The following PKD1 variants were observed in gnomAD, a reference collection of about 807,000 sequenced individuals.
PKD1 encodes polycystin-1.
In PKD1, 81 loss-of-function variants were observed where a neutral mutation model predicts 361.7. The ratio of observed to expected loss-of-function variants is 0.22; its 90% confidence interval spans 0.19 to 0.27. PKD1 has a LOEUF of 0.27. Among genes scored for constraint, PKD1 ranks in the 10% least tolerant of loss-of-function variants. PKD1 has a pLI of 1.00. For synonymous variants in PKD1, 3,615 were observed against 2,818.3 expected (o/e 1.28, Z -8.95); for missense variants, 6,399 against 6,118.3 (o/e 1.05, Z -1.53).
Position 2,111,065 on chromosome 16 carries a change from C to A in PKD1, c.4102G>T (p.Ala1368Ser). The stretch of plus-strand genomic sequence containing the variant: ...ACGCAGATGCTGGTGAAGTAATGCG[C>A]CCTGTTCACGCGGCTGGACAGCACC... ...ALVLSSRVNR[A>S]HYFTSICVEP... is the part of the protein sequence containing the mutation. The change falls in exon 15 of 46, where the codon GCG becomes TCG. Residue 1368 changes from alanine (A) to serine (S), a missense_variant. Coordinates refer to ENST00000262304, the MANE Select transcript of PKD1 (RefSeq NM_001009944.3). The A allele has an allele frequency of 6.2e-7, 1 of 1,610,670 alleles. No individual in the cohort carries two copies. Among genetic ancestry groups the A allele is most frequent in the Non-Finnish European group, 8.5e-7 (1 of 1,179,792 alleles).
chr16:2,109,820 C>T lies in PKD1; in HGVS notation c.5347G>A (p.Ala1783Thr), dbSNP rs1163927130. ...TTGGCTGAGCCCAGCGGGTTCCCTG[C>T]CGTCATGGTGACCAAGTGCAGGCCG... ...TPGLHLVTMT[A>T]GNPLGSANAT... The change falls in exon 15 of 46, where the codon GCA becomes ACA. Residue 1783 changes from alanine to threonine, a missense_variant. Physicochemically the swap from Ala to Thr is moderately conservative, Grantham distance 58. Coordinates refer to ENST00000262304, the MANE Select transcript of PKD1 (RefSeq NM_001009944.3). The T allele has an allele frequency of 1.1e-5, 18 of 1,610,524 alleles. No individual in the cohort carries two copies. Among genetic ancestry groups the T allele is most frequent in the Non-Finnish European group, 1.4e-5 (16 of 1,179,814 alleles).
rs748286361 is a variant in PKD1, at chr16:2,102,264, G to A, written c.9202-8C>T. On this transcript the variant is annotated splice_polypyrimidine_tract_variant and splice_region_variant and intron_variant, in intron 25 of 45. Transcript: ENST00000262304. ...TACATCCGCTGTCGGCTCCTGTGAGGACACAGCCGCCGGGCCCAGGAGGTC... is the reference window on the plus strand; with the variant it reads ...TACATCCGCTGTCGGCTCCTGTGAGAACACAGCCGCCGGGCCCAGGAGGTC... 2.7e-5 allele frequency: 41 copies of A among 1,505,236 alleles called. No homozygotes were observed. Among genetic ancestry groups the A allele is most frequent in the South Asian group, 1.8e-4 (16 of 87,220 alleles). 93.2% of individuals were successfully genotyped at this position (1,505,236 alleles called of 1,614,324 possible).
At chr16:2,114,093 G>A (rs1434961935) in intron 11 of PKD1, 77 bp downstream of exon 11, 3 of 1,218,614 alleles carry the variant, frequency 2.5e-6, no homozygotes, top group Non-Finnish European at 3.5e-6. Context: ...TGGGAAGCCA[G>A]GCCTCACGCC....
rs560799680 is a variant in PKD1, at chr16:2,117,680, C to G, written c.1202-8G>C. On this transcript the variant is annotated splice_region_variant and splice_polypyrimidine_tract_variant and intron_variant, in intron 5 of 45. Transcript: ENST00000262304. ...GGCAGAGCGGGTGCACCGCTGGAGA[C>G]CGGTGGGAACGAGGGTGTCAACGGT... 7.5e-6 allele frequency: 12 copies of G among 1,606,910 alleles called. No individual in the cohort carries two copies.
At position 2,109,164 on chromosome 16, in the gene PKD1, C is replaced by A. The variant is rs545231444; in HGVS notation, c.6003G>T (p.Arg2001=). ...NFTARVQRGS[R]VAYAWYFSLQ... ...GCGAGAAGTACCAGGCGTAGGCGAC[C>A]CGAGAGCCGCGCTGCACGCGGGCTG... is the stretch of plus-strand genomic sequence containing the variant. Residue 2001 remains arginine, a synonymous_variant, in exon 15 of 46, where the codon CGG becomes CGT. Coordinates refer to ENST00000262304, the MANE Select transcript of PKD1 (RefSeq NM_001009944.3). 1.2e-5 allele frequency: 20 copies of A among 1,600,676 alleles called. No homozygotes were observed. In the East Asian group the frequency reaches 4.0e-4, roughly 32 times the overall value.
chr16:2,117,745 T>A, intron 5 of PKD1, 46 bp downstream of exon 5: 1 of 1,192,900 alleles, frequency 8.4e-7, no homozygotes, highest in Non-Finnish European at 1.2e-6. Context: ...CTCTGCCCCA[T>A]CTGGATGGCC....
intron 22 of PKD1, among the ~76,000 whole-genome samples, chr16:2,104,277 AATGGAGAAAAGGGGAGAGAG>A (rs1361560456): frequency 2.7e-4 from 15 of 56,112 alleles, no homozygotes; most frequent in Admixed American, 4.5e-4. Flanking sequence ...CGGGGGGGGA[AATGGAGAAAAGGGGAGAGAG>A]ATGGAGAAAA....
At chr16:2,099,822 T>C in intron 29 of PKD1, 39 bp downstream of exon 29, 1 of 1,555,856 alleles carries the variant, frequency 6.4e-7, no homozygotes, top group Non-Finnish European at 8.7e-7. Context: ...CAGGAAGGGC[T>C]GGGCAGGAAG....
chr16:2,127,912 G>C (rs898570625), intron 1 of PKD1, among the ~76,000 whole-genome samples: 1 of 124,354 alleles, frequency 8.0e-6, no homozygotes, highest in Non-Finnish European at 1.7e-5. Flanking sequence ...CAGGGAGGGA[G>C]AGGTGGGAGG....
In PKD1 at chr16:2,109,429, G is replaced by T; in HGVS notation, c.5738C>A (p.Ala1913Asp). The T allele has an allele frequency of 6.2e-7, 1 of 1,603,732 alleles. No individual in the cohort carries two copies. The highest frequency in any genetic ancestry group is 8.5e-7 in the Non-Finnish European group (1 of 1,179,222). The change falls in exon 15 of 46, where the codon GCC becomes GAC. Residue 1913 changes from alanine (A) to aspartate (D), a missense_variant. Ala to Asp is a moderately radical substitution (Grantham distance 126). Coordinates refer to ENST00000262304, the MANE Select transcript of PKD1 (RefSeq NM_001009944.3). Reference sequence around the variant, plus strand: ...CAGGCGGAAGGTGACAGCTGAGCCGGCAGCCAGCAGGATCTGAAAATGGAC... The same window carrying T: ...CAGGCGGAAGGTGACAGCTGAGCCGTCAGCCAGCAGGATCTGAAAATGGAC... Reference protein sequence around the residue: ...QLVHFQILLAAGSAVTFRLQV... With the variant: ...QLVHFQILLADGSAVTFRLQV...
At chr16:2,097,103 C>A (rs780619303) in intron 34 of PKD1, 45 bp downstream of exon 34, 36 of 1,411,644 alleles carry the variant, frequency 2.6e-5, no homozygotes, top group Admixed American at 2.0e-5. Context: ...TGAGTCCCGG[C>A]CCCTCCTCTG....
rs763007424 is a variant in PKD1, at chr16:2,090,527, C to G, written c.12202G>C (p.Gly4068Arg). 6.2e-7 allele frequency: 1 copy of G among 1,610,562 alleles called. No homozygotes were observed. The highest frequency in any genetic ancestry group is 2.2e-5 in the East Asian group (1 of 44,824). The change falls in exon 45 of 46, where the codon GGG becomes CGG. Residue 4068 changes from glycine to arginine, a missense_variant. Transcript: ENST00000262304. ...VAQALLVLCP[G>R]TGLSTLCPAE... ...GGACACAGGGTAGAGAGCCCAGTCC[C>G]AGGGCACAGCACCAACAGGGCCTGG...
intron 1 of PKD1, among the ~76,000 whole-genome samples, chr16:2,120,442 A>C (rs941557163): frequency 5.9e-5 from 9 of 152,238 alleles, no homozygotes; most frequent in African/African-American, 2.2e-4. Context: ...GAAGAAAAGG[A>C]AACTGGGTGT....
chr16:2,111,465 C>T lies in PKD1; in HGVS notation c.3702G>A (p.Ala1234=), dbSNP rs766833696. 44 of 1,611,574 alleles carry T rather than the reference C, an allele frequency of 2.7e-5. No homozygotes were observed. Among genetic ancestry groups the T allele is most frequent in the Admixed American group, 3.3e-5 (2 of 59,938 alleles). The change falls in exon 15 of 46, where the codon GCG becomes GCA. Residue 1234 remains alanine, a synonymous_variant. Coordinates refer to ENST00000262304, the MANE Select transcript of PKD1 (RefSeq NM_001009944.3). ...EQGAPVVVSA[A]VQTGDNITWT... ...ACGTGATGTTGTCGCCCGTCTGCAC[C>T]GCGGCGCTGACCACCACGGGGGCGC... is the stretch of plus-strand genomic sequence containing the variant.
intron 1 of PKD1, chr16:2,133,099 A>C (rs915810729): frequency 6.7e-6 from 1 of 150,132 alleles, no homozygotes; most frequent in Non-Finnish European, 1.5e-5. Flanking sequence ...AAAAAAAAAA[A>C]AAAAAACACA....
intron 32 of PKD1, 72 bp from the exon 33 acceptor site, chr16:2,097,575 C>G (rs984639235): frequency 1.2e-6 from 2 of 1,604,610 alleles, no homozygotes; most frequent in East Asian, 4.5e-5. Flanking sequence ...TCCAGTCACG[C>G]ACGGACACCC....
At position 2,106,041 on chromosome 16, in the gene PKD1, G is replaced by T. The variant is rs774075560; in HGVS notation, c.7704-17C>A. Reference sequence around the variant, plus strand: ...GCCAAAGACCTACGAGCAGAGGGGGGTGGTGAGCAGGTGGCAGTCTCGGGG... The same window carrying T: ...GCCAAAGACCTACGAGCAGAGGGGGTTGGTGAGCAGGTGGCAGTCTCGGGG... On this transcript the variant is annotated splice_polypyrimidine_tract_variant and intron_variant, in intron 19 of 45. Coordinates refer to ENST00000262304, the MANE Select transcript of PKD1 (RefSeq NM_001009944.3). This position sits in a 1 kb window ranked among gnomAD's most constrained non-coding sequence, Gnocchi z 6.5. 5 of 1,606,896 alleles carry T rather than the reference G, an allele frequency of 3.1e-6. No homozygotes were observed. Among genetic ancestry groups the T allele is most frequent in the African/African-American group, 1.3e-5 (1 of 74,232 alleles).
intron 1 of PKD1, among the ~76,000 whole-genome samples, chr16:2,131,356 A>G (rs1291001816): frequency 6.6e-6 from 1 of 151,914 alleles, no homozygotes; most frequent in African/African-American, 2.4e-5. Flanking sequence ...CTAAAAATAC[A>G]AAAAATTAGC....
chr16:2,106,879 A>T lies in PKD1; in HGVS notation c.7135T>A (p.Tyr2379Asn). The T allele has an allele frequency of 6.4e-7, 1 of 1,555,390 alleles. No individual in the cohort carries two copies. The highest frequency in any genetic ancestry group is 1.1e-5 in the South Asian group (1 of 90,394). ...ACGTAGGAGCTGCGGCTCACTTCGT[A>T]CACGGCCTGTGCCTTGCAGGACACA... ...ECVSCKAQAV[Y>N]EVSRSSYVYL... is the part of the protein sequence containing the mutation. The change falls in exon 17 of 46, where the codon TAC becomes AAC. Residue 2379 changes from tyrosine to asparagine, a missense_variant. Transcript: ENST00000262304. The surrounding 1 kb of genome is among the most constrained non-coding windows in gnomAD (Gnocchi z 6.5).
Sources: gnomAD v4.1 joint callset for allele counts (sites outside exome capture counted in the v4.1 genomes callset) on GRCh38, gnomAD v4.1.1 for gene constraint, Gnocchi (gnomAD v3.1) non-coding constraint, MANE v1.5 for transcripts, NCBI Gene and HGNC (gene_info 2026-07-23, HGNC 2026-07-21) for gene names.